The following GRM5 variants were observed in gnomAD, a reference collection of about 807,000 sequenced individuals.
GRM5 encodes the protein glutamate metabotropic receptor 5.
In GRM5, 19 loss-of-function variants were observed where a neutral mutation model predicts 83.1. That is an observed-to-expected ratio of 0.23 (90% CI 0.16 to 0.34). The LOEUF (loss-of-function observed/expected upper bound fraction) is 0.34, where lower values mean the gene tolerates loss of function less well. GRM5 is among the 10% of genes least tolerant of loss of function. The pLI is 1.00. For missense variants in GRM5, 1,160 were observed against 1,588.3 expected (o/e 0.73, Z 4.58); for synonymous variants, 675 against 633.6 (o/e 1.07, Z -0.98).
At chr11:88,521,415 G>GA (rs1384344587) in intron 9 of GRM5, among the ~76,000 whole-genome samples, 3 of 151,954 alleles carry the variant, frequency 2.0e-5, no homozygotes. Flanking sequence ...GACTCTGACT[G>GA]AGAAAAAAGC....
At chr11:88,939,546 C>T (rs2135663037) in intron 2 of GRM5, among the ~76,000 whole-genome samples, 1 of 151,806 alleles carries the variant, frequency 6.6e-6, no homozygotes, top group Non-Finnish European at 1.5e-5. Flanking sequence ...TCTCACTTGG[C>T]CTTTTAACGA....
In GRM5 at chr11:88,541,822, G is replaced by T. The variant is rs149124958; in HGVS notation, c.2631-16418C>A. Among the ~76,000 whole-genome samples the T allele has an allele frequency of 2.2e-3, 338 of 152,268 alleles. 1 individual carries two copies. Among genetic ancestry groups the T allele is most frequent in the African/African-American group, 8.0e-3 (331 of 41,562 alleles). ...CCCCACTCAAATCTCATCTCAAATT[G>T]TAATTCTCACATGTCAAGGGAGGGA... On this transcript the variant is annotated intron_variant, in intron 8 of 9. Transcript: ENST00000305447.
intron 4 of GRM5, among the ~76,000 whole-genome samples, chr11:88,617,878 G>C (rs1008573663): frequency 3.3e-5 from 5 of 152,240 alleles, no homozygotes; most frequent in Non-Finnish European, 5.9e-5. Context: ...GTGGGTGGGA[G>C]AGGCTGGAAC....
intron 2 of GRM5, among the ~76,000 whole-genome samples, chr11:88,885,194 T>C (rs2135577581): frequency 6.6e-6 from 1 of 152,010 alleles, no homozygotes; most frequent in East Asian, 1.9e-4. Flanking sequence ...AAATATATAA[T>C]TGTTATGTTT....
At chr11:88,842,068 G>A (rs1243455634) in intron 3 of GRM5, among the ~76,000 whole-genome samples, 1 of 152,098 alleles carries the variant, frequency 6.6e-6, no homozygotes, top group African/African-American at 2.4e-5. Context: ...TCTTAATCAG[G>A]AATGGCTCAC....
intron 3 of GRM5, among the ~76,000 whole-genome samples, chr11:88,784,490 C>T (rs1943028736): frequency 6.6e-6 from 1 of 151,952 alleles, no homozygotes; most frequent in Middle Eastern, 3.2e-3. Context: ...ATAAGTATCA[C>T]CCACCACTTA....
chr11:88,891,431 C>T (rs933870863), intron 2 of GRM5, among the ~76,000 whole-genome samples: 5 of 151,956 alleles, frequency 3.3e-5, no homozygotes, highest in Middle Eastern at 3.2e-3. Flanking sequence ...TTTCCTGATG[C>T]GTGGCTTTCT....
chr11:88,893,644 C>A (rs1416820166), intron 2 of GRM5, among the ~76,000 whole-genome samples: 2 of 152,024 alleles, frequency 1.3e-5, no homozygotes, highest in Non-Finnish European at 2.9e-5. Flanking sequence ...TGGAGGAAAA[C>A]CAGTATCACA....
intron 2 of GRM5, among the ~76,000 whole-genome samples, chr11:89,042,853 A>G (rs1323618199): frequency 1.4e-5 from 2 of 146,784 alleles, no homozygotes; most frequent in Admixed American, 6.7e-5. Flanking sequence ...TGAAATTGCA[A>G]TCTCTAGGTT....
intron 2 of GRM5, among the ~76,000 whole-genome samples, chr11:88,993,215 G>A (rs188644581): frequency 0.018 from 2,505 of 143,106 alleles, 94 homozygotes; most frequent in African/African-American, 0.062. Context: ...GCAGTGAGCC[G>A]AGATTGTGCC....
At chr11:88,822,084 GT>G (rs2135510441) in intron 3 of GRM5, among the ~76,000 whole-genome samples, 1 of 152,230 alleles carries the variant, frequency 6.6e-6, no homozygotes, top group South Asian at 2.1e-4. Flanking sequence ...AATCGTTTAA[GT>G]GACTTCATAT....
chr11:89,039,197 G>T (rs948214171), intron 2 of GRM5, among the ~76,000 whole-genome samples: 1 of 151,698 alleles, frequency 6.6e-6, no homozygotes, highest in Non-Finnish European at 1.5e-5. Context: ...CCTGGGAGGC[G>T]GAGGTTGCAG....
chr11:88,725,296 C>T (rs1941649973), intron 3 of GRM5, among the ~76,000 whole-genome samples: 1 of 152,170 alleles, frequency 6.6e-6, no homozygotes, highest in African/African-American at 2.4e-5. Flanking sequence ...GAGCCCACCA[C>T]AGCTCAGCAA....
intron 3 of GRM5, among the ~76,000 whole-genome samples, chr11:88,718,063 GA>G (rs1440646508): frequency 6.6e-6 from 1 of 151,748 alleles, no homozygotes; most frequent in Non-Finnish European, 1.5e-5. Context: ...TGAAATGGCT[GA>G]GTTACCATAC....
At chr11:88,798,165 T>A (rs952235109) in intron 3 of GRM5, among the ~76,000 whole-genome samples, 4 of 152,186 alleles carry the variant, frequency 2.6e-5, no homozygotes, top group Admixed American at 2.6e-4. Context: ...AGACTACATG[T>A]TCTCTTTTAC....
At chr11:88,550,547 T>C (rs1279583031) in intron 8 of GRM5, among the ~76,000 whole-genome samples, 1 of 152,168 alleles carries the variant, frequency 6.6e-6, no homozygotes, top group African/African-American at 2.4e-5. Flanking sequence ...CTTGTGTACA[T>C]TTGCTTTCAT....
intron 2 of GRM5, among the ~76,000 whole-genome samples, chr11:88,919,175 GAA>G (rs1266732475): frequency 1.6e-5 from 2 of 125,016 alleles, no homozygotes; most frequent in Non-Finnish European, 3.5e-5. Flanking sequence ...GACATACACT[GAA>G]AAAAAAAAAG....
chr11:89,058,983 A>G (rs1398227719), intron 1 of GRM5, among the ~76,000 whole-genome samples: 1 of 152,016 alleles, frequency 6.6e-6, no homozygotes, highest in East Asian at 1.9e-4. Context: ...ATTCTACATT[A>G]CTATGCATTT....
At chr11:88,908,288 T>C (rs1945437117) in intron 2 of GRM5, among the ~76,000 whole-genome samples, 1 of 152,162 alleles carries the variant, frequency 6.6e-6, no homozygotes, top group South Asian at 2.1e-4. Flanking sequence ...AAATCTATGA[T>C]CGCATGATAT....
Sources: gnomAD v4.1 joint callset for allele counts (sites outside exome capture counted in the v4.1 genomes callset) on GRCh38, gnomAD v4.1.1 for gene constraint, MANE v1.5 for transcripts, NCBI Gene and HGNC (gene_info 2026-07-23, HGNC 2026-07-21) for gene names.